The following COL5A1 variants were observed in gnomAD, a reference collection of about 807,000 sequenced individuals.
COL5A1 encodes collagen type V alpha 1 chain.
A neutral mutation model predicts 263.7 loss-of-function variants in COL5A1; 16 were observed. That is an observed-to-expected ratio of 0.06 (90% CI 0.04 to 0.09). COL5A1 has a LOEUF of 0.09. COL5A1 is among the 10% of genes least tolerant of loss of function. The pLI, the probability that COL5A1 is intolerant of heterozygous loss-of-function variation, is 1.00. For missense variants in COL5A1, 2,036 were observed against 2,540.5 expected, an observed-to-expected ratio of 0.80 and a Z score of 4.27; for synonymous variants, 1,012 against 1,004.5, an observed-to-expected ratio of 1.01 and a Z score of -0.14.
At chr9:134,817,288 G>A (rs1372940537) in intron 53 of COL5A1, among the ~76,000 whole-genome samples, 1 of 152,228 alleles carries the variant, frequency 6.6e-6, no homozygotes, top group African/African-American at 2.4e-5. Flanking sequence ...TTTAGGACAG[G>A]CCGCCTGCTG....
At chr9:134,659,418 C>G (rs1349174346) in intron 1 of COL5A1, among the ~76,000 whole-genome samples, 2 of 152,038 alleles carry the variant, frequency 1.3e-5, no homozygotes, top group African/African-American at 2.4e-5. Flanking sequence ...CATAAAAAAG[C>G]CTTTGAGTTG....
intron 37 of COL5A1, among the ~76,000 whole-genome samples, chr9:134,799,938 C>T (rs890278653): frequency 2.0e-5 from 3 of 152,172 alleles, no homozygotes; most frequent in Non-Finnish European, 4.4e-5. Context: ...CATGTACTTC[C>T]GGCTGCCTTC....
intron 11 of COL5A1, among the ~76,000 whole-genome samples, chr9:134,747,822 C>G (rs551018026): frequency 1.1e-5 from 1 of 93,910 alleles, no homozygotes; most frequent in Non-Finnish European, 2.1e-5. Context: ...TGCACACATG[C>G]GTTCATACAC....
chr9:134,756,659 G>A (rs953755262), intron 16 of COL5A1, 106 bp from the exon 17 acceptor site: 5 of 1,237,170 alleles, frequency 4.0e-6, no homozygotes, highest in Non-Finnish European at 6.0e-6. Flanking sequence ...GGGGGTGGGC[G>A]CGGCTCTGGT....
Position 134,656,909 on chromosome 9 carries a change from C to T in COL5A1, c.109+14613C>T, listed in dbSNP as rs569891944. 1.6e-3 allele frequency among the ~76,000 whole-genome samples: 144 copies of T among 88,804 alleles called. 1 individual carries two copies. Among genetic ancestry groups the T allele is most frequent in the African/African-American group, 5.7e-3 (128 of 22,268 alleles). The allele number at this position is 88,804 out of a possible 152,430, so 58.3% of individuals were successfully genotyped here. ...TGTACATTATAGATAATATGGGGGA[C>T]GGGGCAGGGGGTGCACTTTATAGAT... On this transcript the variant is annotated intron_variant, in intron 1 of 65. Transcript: ENST00000371817.
chr9:134,678,558 CCTG>C lies in COL5A1; in HGVS notation c.110-12348_110-12346del, dbSNP rs778245599. ...CAGGGCAAGCACCTGCTTCTCACCA[CCTG>C]CTGCTCCTCCATGGTCTCTTCAGAG... On this transcript the variant is annotated intron_variant, in intron 1 of 65. Coordinates refer to ENST00000371817, the MANE Select transcript of COL5A1 (RefSeq NM_000093.5). This position sits in a 1 kb window ranked among gnomAD's most constrained non-coding sequence, Gnocchi z 5.5. Among the ~76,000 whole-genome samples the C allele has an allele frequency of 9.9e-5, 15 of 152,228 alleles. No individual in the cohort carries two copies. The highest frequency in any genetic ancestry group is 2.2e-4 in the Non-Finnish European group (15 of 68,036).
rs988567177 is a variant in COL5A1, at chr9:134,752,612, C to T, written c.1686C>T (p.Gly562=). 6.2e-7 allele frequency: 1 copy of T among 1,613,568 alleles called. No individual in the cohort carries two copies. The highest frequency in any genetic ancestry group is 8.5e-7 in the Non-Finnish European group (1 of 1,179,664). ...QARLALRGPA[G]PMGLTGRPGP... is the part of the protein sequence containing the mutation. ...AGTTGGCACTGAGGGGACCAGCTGG[C>T]CCGATGGGTCTCACAGGGAGACCTG... The change falls in exon 14 of 66, where the codon GGC becomes GGT. Residue 562 remains glycine, a synonymous_variant. Coordinates refer to ENST00000371817, the MANE Select transcript of COL5A1 (RefSeq NM_000093.5).
At chr9:134,743,615 C>T (rs1040298523) in intron 11 of COL5A1, among the ~76,000 whole-genome samples, 2 of 152,162 alleles carry the variant, frequency 1.3e-5, no homozygotes, top group African/African-American at 2.4e-5. Context: ...AGGGGCACCT[C>T]GCTCCCTGCA....
rs1014947485 is a variant in COL5A1, at chr9:134,652,576, T to A, written c.109+10280T>A. On this transcript the variant is annotated intron_variant, in intron 1 of 65. Transcript: ENST00000371817. This position sits in a 1 kb window ranked among gnomAD's most constrained non-coding sequence, Gnocchi z 4.4. ...TGGGGGCAGGGCTATCGGCCTGTAG[T>A]TGGGGGAGTCCGAGGATGCTGCTCT... 7.7e-6 allele frequency: 3 copies of A among 390,570 alleles called. No homozygotes were observed. Among genetic ancestry groups the A allele is most frequent in the Non-Finnish European group, 1.6e-5 (3 of 182,150 alleles). 24.2% of individuals were successfully genotyped at this position (390,570 alleles called of 1,614,324 possible).
At chr9:134,767,430 C>G in intron 24 of COL5A1, 76 bp downstream of exon 24, 1 of 1,375,568 alleles carries the variant, frequency 7.3e-7, no homozygotes, top group Non-Finnish European at 1.0e-6. Context: ...TGGGAGGACC[C>G]CTGGTATCCA....
intron 11 of COL5A1, among the ~76,000 whole-genome samples, chr9:134,749,109 A>G (rs1835682994): frequency 6.6e-6 from 1 of 152,186 alleles, no homozygotes; most frequent in Non-Finnish European, 1.5e-5. Flanking sequence ...TGGTGTGGAC[A>G]CCTGTAATCC....
intron 16 of COL5A1, 128 bp from the exon 17 acceptor site, chr9:134,756,637 G>T: frequency 9.7e-7 from 1 of 1,032,580 alleles, no homozygotes. Context: ...CGGCCACTCG[G>T]GCTGTGACCT....
rs868680235 is a variant in COL5A1 at position 134,686,885 on chromosome 9, T to C, written c.110-4027T>C. Among the ~76,000 whole-genome samples the C allele has an allele frequency of 6.6e-6, 1 of 152,114 alleles. No homozygotes were observed. The highest frequency in any genetic ancestry group is 2.4e-5 in the African/African-American group (1 of 41,414). On this transcript the variant is annotated intron_variant, in intron 1 of 65. Coordinates refer to ENST00000371817, the MANE Select transcript of COL5A1 (RefSeq NM_000093.5). This position sits in a 1 kb window ranked among gnomAD's most constrained non-coding sequence, Gnocchi z 4.6. ...GCTGGGCCCATGTCCCATAGGTGGTTCCAGGGAGGCTCCTGGTTTCAGTGC... is the reference window on the plus strand; with the variant it reads ...GCTGGGCCCATGTCCCATAGGTGGTCCCAGGGAGGCTCCTGGTTTCAGTGC...
chr9:134,683,831 C>A (rs1832933129), intron 1 of COL5A1, among the ~76,000 whole-genome samples: 1 of 152,188 alleles, frequency 6.6e-6, no homozygotes, highest in Admixed American at 6.5e-5. Flanking sequence ...GCTTTTCTGG[C>A]TGATTGTCTT....
At position 134,796,811 on chromosome 9, in the gene COL5A1, A is replaced by G. The variant is rs3811159; in HGVS notation, c.2845-37A>G. 0.47 allele frequency: 746,768 copies of G among 1,600,080 alleles called. 177,193 individuals carry two copies. Among genetic ancestry groups the G allele is most frequent in the East Asian group, 0.72 (32,157 of 44,798 alleles). ...CAGCGGCAGGAGCTGCTCGGGAGAG[A>G]CCTCTTGTCCTCAAACTGGCCTTTC... On this transcript the variant is annotated intron_variant, in intron 35 of 65. Transcript: ENST00000371817.
intron 53 of COL5A1, among the ~76,000 whole-genome samples, chr9:134,817,530 C>A (rs1008077871): frequency 6.6e-6 from 1 of 152,218 alleles, no homozygotes; most frequent in Non-Finnish European, 1.5e-5. Flanking sequence ...GCCTGAGAGG[C>A]CTTTACCTGG....
At chr9:134,805,833 G>C (rs1838277448) in intron 41 of COL5A1, among the ~76,000 whole-genome samples, 2 of 150,442 alleles carry the variant, frequency 1.3e-5, no homozygotes, top group Non-Finnish European at 3.0e-5. Context: ...GTGGGCTCTA[G>C]AGGGAAGGGG....
intron 52 of COL5A1, 100 bp from the exon 53 acceptor site, chr9:134,816,926 C>T (rs1240484292): frequency 9.2e-7 from 1 of 1,091,616 alleles, no homozygotes; most frequent in African/African-American, 1.5e-5. Context: ...GGCCGCAGGG[C>T]TGGCCGAGGA....
rs10123667 is a variant in COL5A1, at chr9:134,830,417, G to A, written c.5136+373G>A. 6.9e-3 allele frequency: 3,996 copies of A among 583,296 alleles called. 104 individuals carry two copies. The highest frequency in any genetic ancestry group is 0.057 in the African/African-American group (3,054 of 53,544). The allele number at this position is 583,296 out of a possible 1,614,324, so 36.1% of individuals were successfully genotyped here. On this transcript the variant is annotated intron_variant, in intron 64 of 65. Coordinates refer to ENST00000371817, the MANE Select transcript of COL5A1 (RefSeq NM_000093.5). ...GGTTTTCCGTTTCTGTGTAGGGCGC[G>A]CAGAGCTGGGTGTGGGCCCCAGCCT...
Sources: allele counts gnomAD v4.1 joint callset (sites outside exome capture counted in the v4.1 genomes callset), GRCh38; gene constraint gnomAD v4.1.1; non-coding constraint Gnocchi (gnomAD v3.1); transcripts MANE v1.5; gene names NCBI Gene and HGNC (gene_info 2026-07-23, HGNC 2026-07-21).